The following SPATS2 variants were observed in gnomAD, a reference collection of about 807,000 sequenced individuals.
SPATS2 encodes spermatogenesis associated serine rich 2, also known as spermatogenesis-associated serine-rich protein 2.
A neutral mutation model predicts 63.7 loss-of-function variants in SPATS2; 38 were observed. The ratio of observed to expected loss-of-function variants is 0.60; its 90% CI spans 0.46 to 0.78. The LOEUF (loss-of-function observed/expected upper bound fraction) is 0.78, where lower values mean the gene tolerates loss of function less well. SPATS2 is among the 30% of genes least tolerant of loss of function. The probability of loss-of-function intolerance (pLI) is 0.00; values close to 1 mark genes in which losing one functional copy is unlikely to be tolerated. For missense variants in SPATS2, 588 were observed against 666.2 expected (o/e 0.88, Z 1.29); for synonymous variants, 207 against 232.9 (o/e 0.89, Z 1.01).
chr12:49,500,737 A>T (rs1592462464), intron 9 of SPATS2, among the ~76,000 whole-genome samples: 1 of 151,936 alleles, frequency 6.6e-6, no homozygotes, highest in East Asian at 1.9e-4. Context: ...TCGCCACTGC[A>T]CTCCAGGCTG....
chr12:49,512,750 C>T (rs1946773663), intron 9 of SPATS2: 6 of 573,764 alleles, frequency 1.0e-5, no homozygotes, highest in Non-Finnish European at 2.7e-6. Context: ...GATTTGTCAT[C>T]TGATGGACAC....
intron 2 of SPATS2, among the ~76,000 whole-genome samples, chr12:49,389,345 G>A (rs1187871220): frequency 1.3e-5 from 2 of 152,168 alleles, no homozygotes; most frequent in Non-Finnish European, 2.9e-5. Context: ...CTGGCTTCAC[G>A]GCCACACCTC....
intron 2 of SPATS2, among the ~76,000 whole-genome samples, chr12:49,387,836 C>A (rs1297683566): frequency 6.6e-6 from 1 of 152,070 alleles, no homozygotes; most frequent in South Asian, 2.1e-4. Flanking sequence ...CCCCTGCTGA[C>A]ACATCTGTTC....
intron 2 of SPATS2, among the ~76,000 whole-genome samples, chr12:49,440,561 C>T (rs1304938078): frequency 7.2e-5 from 11 of 151,844 alleles, no homozygotes; most frequent in East Asian, 3.9e-4. Context: ...TTCCACCTCC[C>T]GAGTTCAAGC....
At chr12:49,374,530 C>G (rs1592335871) in intron 2 of SPATS2, among the ~76,000 whole-genome samples, 1 of 152,136 alleles carries the variant, frequency 6.6e-6, no homozygotes, top group East Asian at 1.9e-4. Context: ...GGAATGGGTT[C>G]CTGAAATATA....
At chr12:49,502,928 C>A (rs1161467024) in intron 9 of SPATS2, among the ~76,000 whole-genome samples, 2 of 152,188 alleles carry the variant, frequency 1.3e-5, no homozygotes, top group Non-Finnish European at 2.9e-5. Flanking sequence ...CCAAACTTTC[C>A]TTAAATTAAG....
chr12:49,518,320 C>G (rs1233783729), intron 10 of SPATS2, among the ~76,000 whole-genome samples: 4 of 152,158 alleles, frequency 2.6e-5, no homozygotes, highest in Non-Finnish European at 5.9e-5. Context: ...TAGCCCCTGT[C>G]TCTCTGGGAG....
chr12:49,397,937 C>T (rs1217407322), intron 2 of SPATS2, among the ~76,000 whole-genome samples: 1 of 149,538 alleles, frequency 6.7e-6, no homozygotes, highest in East Asian at 2.0e-4. Context: ...ATCATTTGAG[C>T]TCAGGAATTT....
chr12:49,498,139 A>ATATATAT (rs1555191141), intron 8 of SPATS2, among the ~76,000 whole-genome samples: 1 of 84,280 alleles, frequency 1.2e-5, no homozygotes, highest in African/African-American at 7.4e-5. Context: ...AGCCAAAAAA[A>ATATATAT]AAAAAAATAT....
At chr12:49,458,153 A>G (rs1019681520) in intron 2 of SPATS2, among the ~76,000 whole-genome samples, 19 of 152,126 alleles carry the variant, frequency 1.2e-4, no homozygotes. Context: ...TATGAGTTCC[A>G]TAATCCTTAT....
intron 2 of SPATS2, among the ~76,000 whole-genome samples, chr12:49,395,024 G>A (rs1030998506): frequency 1.3e-5 from 2 of 151,780 alleles, no homozygotes; most frequent in Non-Finnish European, 2.9e-5. Context: ...AGTGAGCCGA[G>A]ATCCCACCAC....
At chr12:49,385,624 C>G (rs12296998) in intron 2 of SPATS2, among the ~76,000 whole-genome samples, 1 of 151,774 alleles carries the variant, frequency 6.6e-6, no homozygotes, top group Non-Finnish European at 1.5e-5. Flanking sequence ...AATTTTCTTA[C>G]GATTGTTTTA....
chr12:49,475,602 G>C (rs1025242808), intron 3 of SPATS2, among the ~76,000 whole-genome samples: 6 of 151,998 alleles, frequency 3.9e-5, no homozygotes, highest in African/African-American at 1.2e-4. Flanking sequence ...CACCACACCT[G>C]GCTAGTTTTT....
At chr12:49,519,990 T>C (rs1946913645) in intron 11 of SPATS2, among the ~76,000 whole-genome samples, 1 of 151,530 alleles carries the variant, frequency 6.6e-6, no homozygotes, top group South Asian at 2.1e-4. Context: ...AATTTTTTTT[T>C]TTTTTTGATT....
chr12:49,409,951 G>T (rs1421666759), intron 2 of SPATS2, among the ~76,000 whole-genome samples: 1 of 152,116 alleles, frequency 6.6e-6, no homozygotes, highest in Non-Finnish European at 1.5e-5. Flanking sequence ...TGAGTGTAGA[G>T]AAGGAATCTT....
chr12:49,454,598 A>G (rs960402149), intron 2 of SPATS2, among the ~76,000 whole-genome samples: 2 of 152,174 alleles, frequency 1.3e-5, no homozygotes, highest in Admixed American at 6.6e-5. Flanking sequence ...AATATCCATT[A>G]TGGATCAGGC....
At position 49,526,009 on chromosome 12, in the gene SPATS2, C is replaced by T; in HGVS notation, c.1392C>T (p.Pro464=). The T allele has an allele frequency of 6.2e-7, 1 of 1,614,252 alleles. No individual in the cohort carries two copies. Among genetic ancestry groups the T allele is most frequent in the Non-Finnish European group, 8.5e-7 (1 of 1,180,050 alleles). Reference sequence around the variant, plus strand: ...CACAAGGCCAAAAGTCCAATGACCCCATGAACCAAGGGCGGCATGACAGTA... The same window carrying T: ...CACAAGGCCAAAAGTCCAATGACCCTATGAACCAAGGGCGGCATGACAGTA... The part of the protein sequence containing the change: ...YRPQGQKSND[P]MNQGRHDSMG... Residue 464 remains proline (P), a synonymous_variant, in exon 14 of 14, where the codon CCC becomes CCT. Coordinates refer to ENST00000552918, the MANE Select transcript of SPATS2 (RefSeq NM_023071.4).
intron 2 of SPATS2, among the ~76,000 whole-genome samples, chr12:49,427,020 C>T (rs1350839660): frequency 6.6e-6 from 1 of 152,140 alleles, no homozygotes; most frequent in Non-Finnish European, 1.5e-5. Context: ...GAGTGGACTG[C>T]TGGGTCATAG....
Position 49,519,127 on chromosome 12 carries a change from A to G in SPATS2, c.953A>G (p.His318Arg), listed in dbSNP as rs759697447. Residue 318 changes from histidine (H) to arginine (R), a missense_variant, in exon 11 of 14, where the codon CAT becomes CGT. His to Arg is a conservative substitution (Grantham distance 29). Transcript: ENST00000552918. ...GCTGAACTTCTAAAGAAGATGACTC[A>G]TGTGGCTGTTCAAATGTCAGAGCAG... The part of the protein sequence containing the change: ...KKAELLKKMT[H>R]VAVQMSEQQL... 5 of 1,614,040 alleles carry G rather than the reference A, an allele frequency of 3.1e-6. No individual in the cohort carries two copies. Among genetic ancestry groups the G allele is most frequent in the South Asian group, 2.2e-5 (2 of 91,082 alleles).
Sources: gnomAD v4.1 joint callset for allele counts (sites outside exome capture counted in the v4.1 genomes callset) on GRCh38, gnomAD v4.1.1 for gene constraint, MANE v1.5 for transcripts, NCBI Gene and HGNC (gene_info 2026-07-23, HGNC 2026-07-21) for gene names.